The following VWA8 variants were observed in gnomAD, a reference collection of about 807,000 sequenced individuals.
VWA8 encodes the protein von Willebrand factor A domain-containing protein 8.
VWA8 carries 221 observed loss-of-function variants against 241.5 expected under a neutral mutation model. The ratio of observed to expected loss-of-function variants is 0.91; its 90% confidence interval spans 0.82 to 1.02. The LOEUF is 1.02. Among genes scored for constraint, VWA8 ranks in the 50% least tolerant of loss-of-function variants. VWA8 has a pLI of 0.00. For synonymous variants in VWA8, 852 were observed against 827.1 expected (o/e 1.03, Z -0.52); for missense variants, 2,322 against 2,328.7 (o/e 1.00, Z 0.06).
At chr13:41,587,458 T>C (rs2044425902) in intron 42 of VWA8, 54 bp downstream of exon 42, 2 of 1,604,412 alleles carry the variant, frequency 1.2e-6, no homozygotes, top group South Asian at 2.2e-5. Flanking sequence ...TGAATCCACC[T>C]ATCCATCATC....
At chr13:41,615,566 AAAAC>A (rs2044615794) in intron 37 of VWA8, among the ~76,000 whole-genome samples, 1 of 151,870 alleles carries the variant, frequency 6.6e-6, no homozygotes, top group Non-Finnish European at 1.5e-5. Flanking sequence ...ATGGAAAAGA[AAAAC>A]AAAAAGTTAT....
At chr13:41,569,529 A>C (rs943394009) in intron 44 of VWA8, among the ~76,000 whole-genome samples, 4 of 152,240 alleles carry the variant, frequency 2.6e-5, no homozygotes, top group Admixed American at 1.3e-4. Context: ...GGCAAAGGGA[A>C]TAGAAAGAGA....
intron 42 of VWA8, among the ~76,000 whole-genome samples, chr13:41,577,288 C>T (rs574005524): frequency 3.3e-5 from 5 of 152,034 alleles, no homozygotes; most frequent in South Asian, 2.1e-4. Context: ...AAAAGAATAG[C>T]GAAGGAAATT....
At chr13:41,613,739 C>T (rs2044604262) in intron 38 of VWA8, among the ~76,000 whole-genome samples, 1 of 152,030 alleles carries the variant, frequency 6.6e-6, no homozygotes, top group East Asian at 1.9e-4. Flanking sequence ...CATTCCAAAC[C>T]ACTTCAGAAG....
intron 4 of VWA8, among the ~76,000 whole-genome samples, chr13:41,897,603 A>C (rs1167273204): frequency 6.6e-6 from 1 of 152,142 alleles, no homozygotes; most frequent in African/African-American, 2.4e-5. Flanking sequence ...GGTCTCACTG[A>C]CTTCAAGAAT....
intron 21 of VWA8, among the ~76,000 whole-genome samples, chr13:41,754,883 C>T (rs1010268249): frequency 2.6e-5 from 4 of 151,872 alleles, no homozygotes; most frequent in Non-Finnish European, 5.9e-5. Context: ...TGGCTTATGT[C>T]GCTTAACATA....
intron 22 of VWA8, among the ~76,000 whole-genome samples, chr13:41,730,659 A>C (rs1247337718): frequency 6.6e-6 from 1 of 152,192 alleles, no homozygotes; most frequent in Admixed American, 6.6e-5. Context: ...AAAGCTAGAG[A>C]AAACTCTTAA....
chr13:41,718,388 T>C (rs2137844965), intron 26 of VWA8, among the ~76,000 whole-genome samples: 2 of 152,028 alleles, frequency 1.3e-5, no homozygotes, highest in Middle Eastern at 6.8e-3. Context: ...TAGTTTCAAA[T>C]GCCCATAAGG....
chr13:41,667,043 A>G (rs1033183600), intron 37 of VWA8, among the ~76,000 whole-genome samples: 3 of 152,236 alleles, frequency 2.0e-5, no homozygotes, highest in African/African-American at 7.2e-5. Context: ...GATGTATAAG[A>G]GTAAACTATG....
chr13:41,728,859 T>G (rs1327278507), intron 23 of VWA8, among the ~76,000 whole-genome samples: 1 of 152,092 alleles, frequency 6.6e-6, no homozygotes, highest in Admixed American at 6.6e-5. Flanking sequence ...AGTCTCAACT[T>G]GTTTGGTTAC....
At chr13:41,882,204 TG>T (rs2138073450) in intron 9 of VWA8, among the ~76,000 whole-genome samples, 1 of 135,918 alleles carries the variant, frequency 7.4e-6, no homozygotes, top group Non-Finnish European at 1.6e-5. Flanking sequence ...TCTCAGACGA[TG>T]GGCGGCCGGG....
At chr13:41,898,629 G>C (rs112694339) in intron 4 of VWA8, among the ~76,000 whole-genome samples, 1,857 of 152,368 alleles carry the variant, frequency 0.012, 10 homozygotes, top group Middle Eastern at 0.027. Flanking sequence ...GTGGAGCAGG[G>C]GGCGGCATTC....
rs2044612198 is a variant in VWA8, at chr13:41,615,027, C to T, written c.4669G>A (p.Asp1557Asn). ...DVSSPKHGKEDPDNMPHVGGN... is the reference protein window; with the variant it reads ...DVSSPKHGKENPDNMPHVGGN... ...CCCACGTGAGGCATGTTGTCTGGGT[C>T]CTCCTTCCCGTGTTTGGGGGAGCTT... The change falls in exon 38 of 45, where the codon GAC becomes AAC. Residue 1557 changes from aspartate (D) to asparagine (N), a missense_variant. Asp to Asn is a conservative substitution (Grantham distance 23, BLOSUM62 1). Transcript: ENST00000379310. 1.2e-6 allele frequency: 2 copies of T among 1,613,770 alleles called. No homozygotes were observed. The highest frequency in any genetic ancestry group is 1.3e-5 in the African/African-American group (1 of 74,908).
At chr13:41,898,826 C>G (rs890773749) in intron 4 of VWA8, among the ~76,000 whole-genome samples, 4 of 151,212 alleles carry the variant, frequency 2.6e-5, no homozygotes, top group African/African-American at 9.7e-5. Context: ...GGCCCGGGTG[C>G]TAAGTCCCTC....
intron 20 of VWA8, among the ~76,000 whole-genome samples, chr13:41,773,082 A>G (rs1868405762): frequency 6.6e-6 from 1 of 152,242 alleles, no homozygotes; most frequent in African/African-American, 2.4e-5. Context: ...ACAATGCTTT[A>G]GAAGGAGAAA....
At chr13:41,774,607 A>G (rs1427357646) in intron 20 of VWA8, among the ~76,000 whole-genome samples, 2 of 152,220 alleles carry the variant, frequency 1.3e-5, no homozygotes, top group Non-Finnish European at 2.9e-5. Flanking sequence ...ACTAAATCCC[A>G]AAAGAAATCT....
chr13:41,647,488 A>C (rs891104018), intron 37 of VWA8, among the ~76,000 whole-genome samples: 1 of 152,222 alleles, frequency 6.6e-6, no homozygotes, highest in African/African-American at 2.4e-5. Flanking sequence ...AAAGGTTGTT[A>C]TTTGACATTG....
chr13:41,687,827 G>T (rs2045147188), intron 34 of VWA8, among the ~76,000 whole-genome samples: 1 of 152,034 alleles, frequency 6.6e-6, no homozygotes, highest in Non-Finnish European at 1.5e-5. Flanking sequence ...ACACTAAGTA[G>T]CAGGGATATA....
intron 21 of VWA8, among the ~76,000 whole-genome samples, chr13:41,752,396 T>C (rs1246018011): frequency 6.6e-6 from 1 of 152,174 alleles, no homozygotes; most frequent in East Asian, 1.9e-4. Flanking sequence ...ATAGCTTATA[T>C]ACAATAACTG....
Sources: gnomAD v4.1 joint callset for allele counts (sites outside exome capture counted in the v4.1 genomes callset) on GRCh38, gnomAD v4.1.1 for gene constraint, MANE v1.5 for transcripts, NCBI Gene and HGNC (gene_info 2026-07-23, HGNC 2026-07-21) for gene names.